The following COL23A1 variants were observed in gnomAD, a reference collection of about 807,000 sequenced individuals.
COL23A1 encodes the protein collagen alpha-1(XXIII) chain.
COL23A1 carries 97 observed loss-of-function variants against 99.3 expected under a neutral mutation model. The ratio of observed to expected loss-of-function variants is 0.98; its 90% confidence interval spans 0.83 to 1.16. The LOEUF (loss-of-function observed/expected upper bound fraction) is 1.16, where lower values mean the gene tolerates loss of function less well. Ranked by LOEUF, COL23A1 falls within the 50% of genes most tolerant of loss-of-function variation. COL23A1 has a pLI of 0.00. For synonymous variants in COL23A1, 320 were observed against 308.2 expected, an observed-to-expected ratio of 1.04 and a Z score of -0.40; for missense variants, 762 against 757.4, an observed-to-expected ratio of 1.01 and a Z score of -0.07.
chr5:178,516,945 A>G (rs72810605), intron 2 of COL23A1, among the ~76,000 whole-genome samples: 4 of 152,328 alleles, frequency 2.6e-5, no homozygotes, highest in South Asian at 4.1e-4. Flanking sequence ...GAAAGCTGCA[A>G]TATCTGTGGC....
Position 178,365,170 on chromosome 5 carries a change from T to TGTGTGA in COL23A1, c.362-58252_362-58251insTCACAC, listed in dbSNP as rs1334135320. On this transcript the variant is annotated intron_variant, in intron 2 of 28. Transcript: ENST00000390654. The surrounding 1 kb of genome is among the most constrained non-coding windows in gnomAD (Gnocchi z 5.2). ...GTGTGTGTGTGTGTGTGTGTGTGTG[T>TGTGTGA]GATAAATAAGCAAAATTGTTTTCCT... Among the ~76,000 whole-genome samples, 7 of 141,660 alleles carry TGTGTGA rather than the reference T, an allele frequency of 4.9e-5. No homozygotes were observed. The highest frequency in any genetic ancestry group is 1.5e-4 in the African/African-American group (6 of 39,120). 92.9% of individuals were successfully genotyped at this position (141,660 alleles called of 152,430 possible).
intron 2 of COL23A1, among the ~76,000 whole-genome samples, chr5:178,483,467 T>C (rs1757448121): frequency 6.6e-6 from 1 of 152,200 alleles, no homozygotes; most frequent in Non-Finnish European, 1.5e-5. Context: ...TGCTCACATC[T>C]TCCCCTTCTC....
intron 2 of COL23A1, among the ~76,000 whole-genome samples, chr5:178,449,807 A>T (rs1262395161): frequency 6.6e-6 from 1 of 152,124 alleles, no homozygotes; most frequent in East Asian, 1.9e-4. Context: ...GAGACAAGGC[A>T]TGGGCACTGA....
chr5:178,378,842 G>A (rs1763222050), intron 2 of COL23A1, among the ~76,000 whole-genome samples: 1 of 152,132 alleles, frequency 6.6e-6, no homozygotes, highest in South Asian at 2.1e-4. Context: ...GGCAGACCCA[G>A]GCTTGGCCAA....
At chr5:178,259,637 AT>A in intron 12 of COL23A1, 83 bp downstream of exon 12, 7 of 525,656 alleles carry the variant, frequency 1.3e-5, no homozygotes, top group Admixed American at 2.5e-5. Flanking sequence ...CCCCATCCCC[AT>A]CCCCATTCCG....
chr5:178,393,191 A>C (rs891708217), intron 2 of COL23A1, among the ~76,000 whole-genome samples: 2 of 152,238 alleles, frequency 1.3e-5, no homozygotes, highest in African/African-American at 2.4e-5. Flanking sequence ...TAAATGGAAT[A>C]GTTTTCAGCC....
At chr5:178,472,715 C>A (rs1168032148) in intron 2 of COL23A1, among the ~76,000 whole-genome samples, 2 of 152,184 alleles carry the variant, frequency 1.3e-5, no homozygotes, top group Non-Finnish European at 2.9e-5. Flanking sequence ...CAGCATCGCA[C>A]AGCTTGTCAG....
chr5:178,519,816 T>C (rs572934360), intron 2 of COL23A1, among the ~76,000 whole-genome samples: 4 of 152,308 alleles, frequency 2.6e-5, no homozygotes, highest in South Asian at 4.1e-4. Context: ...CATGGGAGGA[T>C]AGATGGACAG....
chr5:178,458,828 G>A (rs1033755321), intron 2 of COL23A1, among the ~76,000 whole-genome samples: 4 of 152,140 alleles, frequency 2.6e-5, no homozygotes, highest in Non-Finnish European at 5.9e-5. Flanking sequence ...TGTGGGGCGT[G>A]CACCCCACCA....
At chr5:178,486,570 T>C (rs1182695738) in intron 2 of COL23A1, among the ~76,000 whole-genome samples, 1 of 152,018 alleles carries the variant, frequency 6.6e-6, no homozygotes, top group Non-Finnish European at 1.5e-5. Flanking sequence ...ATTGGCAAAT[T>C]CCAAGAGGCT....
chr5:178,400,115 C>T lies in COL23A1; in HGVS notation c.362-93196G>A, dbSNP rs557174662. 2.0e-3 allele frequency among the ~76,000 whole-genome samples: 310 copies of T among 152,140 alleles called. 1 individual carries two copies. Among genetic ancestry groups the T allele is most frequent in the African/African-American group, 6.8e-3 (284 of 41,488 alleles). On this transcript the variant is annotated intron_variant, in intron 2 of 28. Coordinates refer to ENST00000390654, the MANE Select transcript of COL23A1 (RefSeq NM_173465.4). ...GGCGCTGTGGCTCACACCTGTAATC[C>T]CAGCACTTTGGGAGGCTGAGGCGGG... is the stretch of plus-strand genomic sequence containing the variant.
At chr5:178,413,504 T>C (rs976326273) in intron 2 of COL23A1, among the ~76,000 whole-genome samples, 1 of 152,252 alleles carries the variant, frequency 6.6e-6, no homozygotes, top group African/African-American at 2.4e-5. Context: ...CCATTTATTC[T>C]ACTTCAGTGC....
At position 178,552,608 on chromosome 5, in the gene COL23A1, C is replaced by G. The variant is rs1431719933; in HGVS notation, c.361+8074G>C. On this transcript the variant is annotated intron_variant, in intron 2 of 28. Transcript: ENST00000390654. ...ATGAGAGGCTGGGCAAGGTGGCTCA[C>G]CCCTGTAATCCCAGCACTTTGGGAG... 5.9e-5 allele frequency among the ~76,000 whole-genome samples: 9 copies of G among 151,972 alleles called. No homozygotes were observed. In the South Asian group the frequency reaches 1.9e-3, roughly 32 times the overall value.
intron 2 of COL23A1, among the ~76,000 whole-genome samples, chr5:178,440,630 T>C (rs1323111220): frequency 2.0e-5 from 3 of 152,000 alleles, no homozygotes; most frequent in Admixed American, 6.5e-5. Context: ...TTTTTTTTTT[T>C]CTGAGATGGA....
intron 2 of COL23A1, among the ~76,000 whole-genome samples, chr5:178,392,332 G>A (rs746963930): frequency 1.4e-4 from 21 of 152,180 alleles, no homozygotes; most frequent in African/African-American, 3.1e-4. Context: ...GGGTGTCCTC[G>A]GAGCACACTC....
At chr5:178,399,610 T>C (rs1305854112) in intron 2 of COL23A1, among the ~76,000 whole-genome samples, 1 of 152,312 alleles carries the variant, frequency 6.6e-6, no homozygotes, top group African/African-American at 2.4e-5. Context: ...TCTGCAAACA[T>C]GGGCTGTTTA....
At chr5:178,397,504 T>C (rs544878745) in intron 2 of COL23A1, among the ~76,000 whole-genome samples, 1 of 152,324 alleles carries the variant, frequency 6.6e-6, no homozygotes, top group Admixed American at 6.5e-5. Context: ...CTGCCCCTTC[T>C]AACATCAGTG....
intron 1 of COL23A1, among the ~76,000 whole-genome samples, chr5:178,571,526 C>T (rs1281514546): frequency 2.6e-5 from 4 of 152,154 alleles, no homozygotes; most frequent in Admixed American, 1.3e-4. Flanking sequence ...AAACTATTTC[C>T]AGCCCAGGAA....
intron 2 of COL23A1, among the ~76,000 whole-genome samples, chr5:178,526,873 C>T (rs1760340381): frequency 6.6e-6 from 1 of 152,210 alleles, no homozygotes; most frequent in African/African-American, 2.4e-5. Context: ...CTCCTGCACT[C>T]CTGTTTATTC....
Sources: gnomAD v4.1 joint callset for allele counts (sites outside exome capture counted in the v4.1 genomes callset) on GRCh38, gnomAD v4.1.1 for gene constraint, Gnocchi (gnomAD v3.1) non-coding constraint, MANE v1.5 for transcripts, NCBI Gene and HGNC (gene_info 2026-07-23, HGNC 2026-07-21) for gene names.